The following TCERG1L variants were observed in gnomAD, a reference collection of about 807,000 sequenced individuals.
TCERG1L encodes the protein transcription elongation regulator 1 like.
A neutral mutation model predicts 56.3 loss-of-function variants in TCERG1L; 37 were observed. The observed-to-expected ratio is 0.66, with a 90% CI of 0.51 to 0.87. TCERG1L has a LOEUF of 0.87. Ranked by LOEUF, TCERG1L falls within the 40% of genes least tolerant of loss-of-function variation. TCERG1L has a pLI of 0.00. For missense variants in TCERG1L, 799 were observed against 774.2 expected (o/e 1.03, Z -0.38); for synonymous variants, 324 against 326.3 (o/e 0.99, Z 0.08).
chr10:131,242,413 G>C (rs1192278783), intron 4 of TCERG1L, among the ~76,000 whole-genome samples: 1 of 152,196 alleles, frequency 6.6e-6, no homozygotes, highest in Non-Finnish European at 1.5e-5. Context: ...AAGTGCACAA[G>C]AAAGTCACCA....
At chr10:131,299,280 A>G (rs1846732497) in intron 3 of TCERG1L, among the ~76,000 whole-genome samples, 1 of 152,090 alleles carries the variant, frequency 6.6e-6, no homozygotes, top group Non-Finnish European at 1.5e-5. Context: ...ACTTCTGTCT[A>G]TTCATTAGGG....
intron 4 of TCERG1L, among the ~76,000 whole-genome samples, chr10:131,193,989 C>T (rs1371532520): frequency 2.0e-5 from 3 of 152,248 alleles, no homozygotes; most frequent in Admixed American, 6.5e-5. Context: ...CTAGGACACA[C>T]ACCTTTGAGA....
chr10:131,098,874 G>A (rs1029009794), intron 10 of TCERG1L, among the ~76,000 whole-genome samples: 3 of 152,218 alleles, frequency 2.0e-5, no homozygotes, highest in Admixed American at 6.5e-5. Flanking sequence ...CACTTAGTTC[G>A]TGCTAGTCAC....
At chr10:131,155,529 C>T (rs987716235) in intron 6 of TCERG1L, among the ~76,000 whole-genome samples, 1 of 152,190 alleles carries the variant, frequency 6.6e-6, no homozygotes, top group African/African-American at 2.4e-5. Flanking sequence ...GCCGGGAGAG[C>T]CTGTCTTTAT....
intron 4 of TCERG1L, among the ~76,000 whole-genome samples, chr10:131,230,488 C>T (rs973944264): frequency 1.3e-5 from 2 of 152,198 alleles, no homozygotes; most frequent in African/African-American, 4.8e-5. Flanking sequence ...TCCCAGCACA[C>T]TGAGGGACGC....
intron 11 of TCERG1L, among the ~76,000 whole-genome samples, chr10:131,097,471 C>T (rs1845261475): frequency 6.6e-6 from 1 of 152,094 alleles, no homozygotes; most frequent in Admixed American, 6.6e-5. Context: ...CCTCAGTCTC[C>T]CAAGCAGCTG....
intron 4 of TCERG1L, among the ~76,000 whole-genome samples, chr10:131,213,557 C>A (rs992791753): frequency 3.3e-5 from 5 of 152,234 alleles, no homozygotes; most frequent in African/African-American, 1.2e-4. Flanking sequence ...TCTGTCTGGC[C>A]CGGCTGCGCC....
chr10:131,172,257 C>G (rs1846100030), intron 4 of TCERG1L, among the ~76,000 whole-genome samples: 1 of 152,032 alleles, frequency 6.6e-6, no homozygotes, highest in African/African-American at 2.4e-5. Flanking sequence ...AGTGAATGGA[C>G]CCCACGGGGG....
intron 4 of TCERG1L, among the ~76,000 whole-genome samples, chr10:131,227,897 T>G (rs1481476268): frequency 6.6e-6 from 1 of 152,158 alleles, no homozygotes; most frequent in Non-Finnish European, 1.5e-5. Context: ...GGGTCAATAT[T>G]CAGGAGCTGT....
intron 4 of TCERG1L, among the ~76,000 whole-genome samples, chr10:131,209,153 T>G (rs1396957110): frequency 1.3e-5 from 2 of 151,822 alleles, no homozygotes; most frequent in African/African-American, 4.8e-5. Context: ...GTGTATAGGG[T>G]GCGTAGGGAA....
chr10:131,233,450 GCACACAGACACACACACA>G (rs1227059759), intron 4 of TCERG1L, among the ~76,000 whole-genome samples: 1 of 148,676 alleles, frequency 6.7e-6, no homozygotes, highest in Non-Finnish European at 1.5e-5. Flanking sequence ...GCATACACAT[GCACACAGACACACACACA>G]CACACAGACA....
chr10:131,108,400 A>G (rs975287644), intron 9 of TCERG1L, among the ~76,000 whole-genome samples: 5 of 151,610 alleles, frequency 3.3e-5, no homozygotes, highest in Non-Finnish European at 5.9e-5. Context: ...TTCACAAGGC[A>G]CCCTCATCTT....
intron 4 of TCERG1L, among the ~76,000 whole-genome samples, chr10:131,194,201 G>A (rs2133466087): frequency 6.6e-6 from 1 of 152,348 alleles, no homozygotes; most frequent in South Asian, 2.1e-4. Context: ...ACAAACATTG[G>A]GAAGCTACCA....
At position 131,261,388 on chromosome 10, in the gene TCERG1L, G is replaced by A. The variant is rs182071275; in HGVS notation, c.671-944C>T. Reference sequence around the variant, plus strand: ...CACTACTCTTGATCTGGCACGTCCTGTCGTGTGACCCACCCACATGCCCAG... The same window carrying A: ...CACTACTCTTGATCTGGCACGTCCTATCGTGTGACCCACCCACATGCCCAG... On this transcript the variant is annotated intron_variant, in intron 3 of 11. Transcript: ENST00000368642. Among the ~76,000 whole-genome samples the A allele has an allele frequency of 1.1e-3, 171 of 152,336 alleles. 2 individuals carry two copies. The South Asian group carries it at 0.034, about 30-fold the overall frequency.
At chr10:131,235,732 A>C (rs1465875544) in intron 4 of TCERG1L, among the ~76,000 whole-genome samples, 10 of 152,178 alleles carry the variant, frequency 6.6e-5, no homozygotes, top group Admixed American at 3.3e-4. Flanking sequence ...AGATCTGTAC[A>C]TGTCTGTGGG....
At chr10:131,218,605 T>C (rs986854285) in intron 4 of TCERG1L, among the ~76,000 whole-genome samples, 3 of 152,228 alleles carry the variant, frequency 2.0e-5, no homozygotes, top group Non-Finnish European at 2.9e-5. Flanking sequence ...GCGATTCTCC[T>C]GCCTCAGCCT....
chr10:131,250,281 C>T (rs1164060417), intron 4 of TCERG1L, among the ~76,000 whole-genome samples: 1 of 146,710 alleles, frequency 6.8e-6, no homozygotes, highest in Non-Finnish European at 1.5e-5. Flanking sequence ...ATTGCTAGTG[C>T]TTCCTGCGAG....
intron 4 of TCERG1L, among the ~76,000 whole-genome samples, chr10:131,200,453 G>A (rs945377202): frequency 2.0e-5 from 3 of 152,172 alleles, no homozygotes; most frequent in Admixed American, 1.3e-4. Context: ...AATGCCATTT[G>A]CATTGTTGGG....
intron 4 of TCERG1L, among the ~76,000 whole-genome samples, chr10:131,184,293 T>C (rs1845213808): frequency 6.6e-6 from 1 of 152,222 alleles, no homozygotes; most frequent in African/African-American, 2.4e-5. Flanking sequence ...GTCATGTCTT[T>C]TAATCTTTAA....
Sources: allele counts gnomAD v4.1 joint callset (sites outside exome capture counted in the v4.1 genomes callset), GRCh38; gene constraint gnomAD v4.1.1; transcripts MANE v1.5; gene names NCBI Gene and HGNC (gene_info 2026-07-23, HGNC 2026-07-21).